The following SOCS2 variants were observed in gnomAD, a reference collection of about 807,000 sequenced individuals.
SOCS2 encodes CIS-2.
Under a neutral mutation model 18.6 loss-of-function variants are expected in SOCS2, and 10 were observed. The ratio of observed to expected loss-of-function variants is 0.54; its 90% confidence interval spans 0.33 to 0.91. The LOEUF is 0.91. SOCS2 is among the 40% of genes least tolerant of loss of function. SOCS2 has a pLI of 0.02. For synonymous variants in SOCS2, 104 were observed against 104.0 expected, an observed-to-expected ratio of 1.00 and a Z score of 0.00; for missense variants, 231 against 247.2, an observed-to-expected ratio of 0.93 and a Z score of 0.44.
intron 1 of SOCS2, 189 bp downstream of exon 1, chr12:93,573,225 G>C (rs1954325906): frequency 1.1e-5 from 8 of 710,684 alleles, no homozygotes; most frequent in Non-Finnish European, 1.8e-5. Flanking sequence ...GTTCTCCAGG[G>C]ACTCAGGCCT....
chr12:93,591,475 C>T, the SOCS2 span, among the ~76,000 whole-genome samples: 1 of 152,178 alleles, frequency 6.6e-6, no homozygotes, highest in Admixed American at 6.5e-5. Flanking sequence ...CTCAGAGTTT[C>T]GGTTATTTCT....
downstream of SOCS2, among the ~76,000 whole-genome samples, chr12:93,584,194 G>C (rs1281723250): frequency 1.3e-5 from 2 of 152,180 alleles, no homozygotes; most frequent in Admixed American, 6.5e-5. Context: ...GGTTACTCCA[G>C]GTTACTTTTT....
At chr12:93,581,667 T>C (rs1954542174), downstream of SOCS2, among the ~76,000 whole-genome samples, 1 of 151,520 alleles carries the variant, frequency 6.6e-6, no homozygotes. Flanking sequence ...TAGTTTTCTC[T>C]TTTTTTTTCT....
the SOCS2 span, among the ~76,000 whole-genome samples, chr12:93,601,879 T>C: frequency 6.6e-6 from 1 of 152,070 alleles, no homozygotes; most frequent in Admixed American, 6.6e-5. Flanking sequence ...TACTAGAAAA[T>C]TTTCACATAA....
chr12:93,617,240 C>G, the SOCS2 span, among the ~76,000 whole-genome samples: 1 of 152,192 alleles, frequency 6.6e-6, no homozygotes, highest in Non-Finnish European at 1.5e-5. Flanking sequence ...ATACTAACCA[C>G]ATCCCAGGGT....
upstream of SOCS2, chr12:93,571,609 A>G (rs10745656): frequency 0.98 from 200,074 of 204,596 alleles, 97,855 homozygotes; most frequent in East Asian, 1. Flanking sequence ...GCAGTCCGAG[A>G]GTGGAGGTGT....
chr12:93,614,266 A>T, the SOCS2 span, among the ~76,000 whole-genome samples: 1 of 152,190 alleles, frequency 6.6e-6, no homozygotes, highest in East Asian at 1.9e-4. Context: ...CTCCAAACAC[A>T]CGATGCTCTG....
At chr12:93,573,884 G>A (rs1272304796) in intron 1 of SOCS2, 1 of 152,212 alleles carries the variant, frequency 6.6e-6, no homozygotes, top group East Asian at 1.9e-4. Context: ...CAAATGTTCA[G>A]ACTTCTTAAA....
chr12:93,614,614 T>A, the SOCS2 span, among the ~76,000 whole-genome samples: 1 of 130,288 alleles, frequency 7.7e-6, no homozygotes, highest in East Asian at 2.1e-4. Flanking sequence ...TTTCTTTCTT[T>A]CTTTCTTTCT....
At chr12:93,619,115 C>T in the SOCS2 span, among the ~76,000 whole-genome samples, 2 of 152,240 alleles carry the variant, frequency 1.3e-5, no homozygotes, top group East Asian at 1.9e-4. Context: ...ACCGGTAGAA[C>T]TGAAGGGGCA....
downstream of SOCS2, among the ~76,000 whole-genome samples, chr12:93,577,387 A>G (rs1954481077): frequency 6.6e-6 from 1 of 152,154 alleles, no homozygotes; most frequent in South Asian, 2.1e-4. Context: ...TTTATTGTGA[A>G]CCAGGTTCTC....
chr12:93,572,648 G>A (rs762853911), upstream of SOCS2: 1 of 694,110 alleles, frequency 1.4e-6, no homozygotes, highest in Admixed American at 2.0e-5. This position sits in a 1 kb window ranked among gnomAD's most constrained non-coding sequence, Gnocchi z 5.0. Context: ...CAGGGGTCCA[G>A]TTTGGACTGA....
Position 93,576,651 on chromosome 12 carries a change from G to A in SOCS2, c.*1472G>A, listed in dbSNP as rs1434845523. ...TATTTTATGGCTTTAAAATTTTCCT[G>A]CATAGCTACAATCCTGTGGTGTGTC... On this transcript the variant is annotated 3_prime_UTR_variant, in exon 2 of 2. Transcript: ENST00000551556. 1.3e-5 allele frequency: 2 copies of A among 152,134 alleles called. No homozygotes were observed. Among genetic ancestry groups the A allele is most frequent in the South Asian group, 4.1e-4 (2 of 4,830 alleles). The allele number at this position is 152,134 out of a possible 1,614,324, so 9.4% of individuals were successfully genotyped here.
the SOCS2 span, among the ~76,000 whole-genome samples, chr12:93,609,036 G>A: frequency 0.015 from 2,309 of 152,144 alleles, 70 homozygotes; most frequent in African/African-American, 0.053. Flanking sequence ...GAGGCGGGCA[G>A]ATAACTTGAG....
the SOCS2 span, among the ~76,000 whole-genome samples, chr12:93,611,937 T>C: frequency 7.2e-5 from 11 of 152,294 alleles, 1 homozygote; most frequent in Admixed American, 3.3e-4. Context: ...CTCCTCCCTC[T>C]GCTCAGAGAA....
the SOCS2 span, among the ~76,000 whole-genome samples, chr12:93,623,858 C>T: frequency 3.9e-5 from 6 of 152,168 alleles, no homozygotes; most frequent in Non-Finnish European, 7.3e-5. Flanking sequence ...GCACACACCA[C>T]CATGTCCAGC....
At chr12:93,579,764 G>A (rs146914028), downstream of SOCS2, among the ~76,000 whole-genome samples, 134 of 152,302 alleles carry the variant, frequency 8.8e-4, no homozygotes, top group African/African-American at 3.1e-3. Context: ...AGTCCCCAGT[G>A]TCTGAAGTCA....
the SOCS2 span, among the ~76,000 whole-genome samples, chr12:93,600,858 G>A: frequency 3.3e-5 from 5 of 151,016 alleles, no homozygotes; most frequent in African/African-American, 4.9e-5. Context: ...ACGTGATCAT[G>A]GCTCACTGAC....
intron 1 of SOCS2, chr12:93,573,492 A>G (rs1954338594): frequency 3.4e-6 from 1 of 296,348 alleles, no homozygotes; most frequent in Non-Finnish European, 6.2e-6. Flanking sequence ...AGGGACTGAC[A>G]CTGCCGCGAG....
Sources: allele counts gnomAD v4.1 joint callset (sites outside exome capture counted in the v4.1 genomes callset), GRCh38; gene constraint gnomAD v4.1.1; non-coding constraint Gnocchi (gnomAD v3.1); transcripts MANE v1.5; gene names NCBI Gene and HGNC (gene_info 2026-07-23, HGNC 2026-07-21).